The following SLC39A11 variants were observed in gnomAD, a reference collection of about 807,000 sequenced individuals.
The protein encoded by SLC39A11 is zinc transporter ZIP11.
Under a neutral mutation model 36.1 loss-of-function variants are expected in SLC39A11, and 33 were observed. The observed-to-expected ratio is 0.91, with a 90% CI of 0.69 to 1.22. SLC39A11 has a LOEUF of 1.22. Ranked by LOEUF, SLC39A11 falls within the 50% of genes most tolerant of loss-of-function variation. The pLI is 0.00. For missense variants in SLC39A11, 432 were observed against 430.3 expected, an observed-to-expected ratio of 1.00 and a Z score of -0.03; for synonymous variants, 166 against 170.3, an observed-to-expected ratio of 0.97 and a Z score of 0.20.
At chr17:72,912,712 C>T (rs9898843) in intron 5 of SLC39A11, among the ~76,000 whole-genome samples, 77,397 of 151,722 alleles carry the variant, frequency 0.51, 19,739 homozygotes, top group African/African-American at 0.53. Context: ...TCGACCAGAG[C>T]AGAGCATCTC....
chr17:72,748,536 C>G (rs11077630), intron 6 of SLC39A11, among the ~76,000 whole-genome samples: 61,970 of 152,070 alleles, frequency 0.41, 15,546 homozygotes, highest in Non-Finnish European at 0.56. Context: ...CCAGTCATGG[C>G]TGCCGACTTA....
In SLC39A11 at chr17:72,947,827, T is replaced by C. The variant is rs2085530398; in HGVS notation, c.355A>G (p.Thr119Ala). The change falls in exon 5 of 10, where the codon ACG becomes GCG. Residue 119 changes from threonine to alanine, a missense_variant. By Grantham distance (58) the Thr-to-Ala change is moderately conservative. Coordinates refer to ENST00000255559, the MANE Select transcript of SLC39A11 (RefSeq NM_139177.4). Reference protein sequence around the residue: ...QTTLALNFGSTLMKKKSDPEG... With the variant: ...QTTLALNFGSALMKKKSDPEG... ...GGATCAGACTTCTTCTTCATCAACGTAGAGCCGAAGTTCAGTGCCAGGGTC... is the reference window on the plus strand; with the variant it reads ...GGATCAGACTTCTTCTTCATCAACGCAGAGCCGAAGTTCAGTGCCAGGGTC... 1 of 1,614,140 alleles carries C rather than the reference T, an allele frequency of 6.2e-7. No individual in the cohort carries two copies. Among genetic ancestry groups the C allele is most frequent in the Non-Finnish European group, 8.5e-7 (1 of 1,180,016 alleles).
At chr17:72,784,557 T>C (rs1335615577) in intron 6 of SLC39A11, among the ~76,000 whole-genome samples, 1 of 152,120 alleles carries the variant, frequency 6.6e-6, no homozygotes, top group African/African-American at 2.4e-5. Context: ...TGTTGAATTG[T>C]AATGACCGAT....
At chr17:72,852,432 G>C (rs1015879665) in intron 5 of SLC39A11, among the ~76,000 whole-genome samples, 10 of 152,032 alleles carry the variant, frequency 6.6e-5, no homozygotes, top group Admixed American at 2.6e-4. Context: ...GTCCTCCACT[G>C]GTCAGTAGCC....
intron 5 of SLC39A11, among the ~76,000 whole-genome samples, chr17:72,856,358 G>A (rs1396192803): frequency 6.6e-6 from 1 of 152,172 alleles, no homozygotes; most frequent in African/African-American, 2.4e-5. Context: ...TCTTTTGAAA[G>A]ATGCCTGCTG....
intron 6 of SLC39A11, among the ~76,000 whole-genome samples, chr17:72,808,627 G>T (rs2077335616): frequency 6.6e-6 from 1 of 152,062 alleles, no homozygotes; most frequent in Non-Finnish European, 1.5e-5. Context: ...GTGGCCAGAG[G>T]TCACAAGATT....
intron 3 of SLC39A11, among the ~76,000 whole-genome samples, chr17:73,050,323 CAAAA>C (rs70938142): frequency 4.0e-5 from 4 of 98,820 alleles, no homozygotes; most frequent in Non-Finnish European, 3.8e-5. Flanking sequence ...CTGTTTGTGG[CAAAA>C]AAAAAAAAAA....
chr17:73,049,432 G>A (rs1033680846), intron 3 of SLC39A11, among the ~76,000 whole-genome samples: 2 of 152,216 alleles, frequency 1.3e-5, no homozygotes, highest in African/African-American at 2.4e-5. Context: ...GGCAGGTTTA[G>A]GGAACAGAAG....
At chr17:72,683,170 T>C (rs963731506) in intron 7 of SLC39A11, among the ~76,000 whole-genome samples, 33 of 152,196 alleles carry the variant, frequency 2.2e-4, no homozygotes, top group African/African-American at 7.7e-4. Flanking sequence ...AAAGGCCCAC[T>C]CAGACTTTCC....
At chr17:72,953,980 A>G (rs561787173) in intron 4 of SLC39A11, among the ~76,000 whole-genome samples, 15 of 152,222 alleles carry the variant, frequency 9.9e-5, no homozygotes, top group African/African-American at 3.4e-4. Flanking sequence ...GTTTCATTCA[A>G]CTAAGGCTGT....
intron 5 of SLC39A11, among the ~76,000 whole-genome samples, chr17:72,939,770 C>T (rs2084982106): frequency 2.0e-5 from 3 of 152,166 alleles, no homozygotes; most frequent in African/African-American, 7.2e-5. Flanking sequence ...GACTTCCGGC[C>T]TCCAAAACTG....
At chr17:72,659,020 C>G (rs144521946) in intron 7 of SLC39A11, among the ~76,000 whole-genome samples, 5 of 152,292 alleles carry the variant, frequency 3.3e-5, no homozygotes, top group African/African-American at 1.2e-4. Context: ...GTGCCTTAGC[C>G]TTCTCAATTA....
intron 7 of SLC39A11, among the ~76,000 whole-genome samples, chr17:72,673,134 G>C (rs1481272684): frequency 6.6e-6 from 1 of 151,944 alleles, no homozygotes; most frequent in Non-Finnish European, 1.5e-5. Flanking sequence ...ACAGAGTCTT[G>C]TCTTACTCTG....
At chr17:72,837,360 CAAAAAAAAAA>C (rs34639176) in intron 6 of SLC39A11, among the ~76,000 whole-genome samples, 6 of 91,134 alleles carry the variant, frequency 6.6e-5, no homozygotes, top group African/African-American at 2.0e-4. Flanking sequence ...GTATATTGCT[CAAAAAAAAAA>C]AAAAAAAAAA....
Position 72,670,210 on chromosome 17 carries a change from C to T in SLC39A11, c.672-20942G>A, listed in dbSNP as rs996125561. On this transcript the variant is annotated intron_variant, in intron 7 of 9. Coordinates refer to ENST00000255559, the MANE Select transcript of SLC39A11 (RefSeq NM_139177.4). ...ACACACACACACACACACACACACA[C>T]ACATATATATATATGCCAGGCATGG... Among the ~76,000 whole-genome samples, 532 of 68,794 alleles carry T rather than the reference C, an allele frequency of 7.7e-3. 6 individuals are homozygous for T. Among genetic ancestry groups the T allele is most frequent in the African/African-American group, 0.017 (279 of 16,474 alleles). 45.1% of individuals were successfully genotyped at this position (68,794 alleles called of 152,430 possible).
chr17:73,010,838 G>C (rs1222492327), intron 4 of SLC39A11, among the ~76,000 whole-genome samples: 3 of 152,214 alleles, frequency 2.0e-5, no homozygotes, highest in Non-Finnish European at 4.4e-5. Context: ...CAACGGGCAT[G>C]GATCTGCTCC....
intron 1 of SLC39A11, among the ~76,000 whole-genome samples, chr17:73,089,556 T>C (rs73353127): frequency 0.017 from 2,581 of 152,294 alleles, 67 homozygotes; most frequent in African/African-American, 0.059. Context: ...TGTCCTAGCA[T>C]GCAGCTTTGG....
chr17:72,720,631 A>C (rs1040477728), intron 7 of SLC39A11, among the ~76,000 whole-genome samples: 1 of 152,152 alleles, frequency 6.6e-6, no homozygotes, highest in Admixed American at 6.5e-5. Flanking sequence ...TAGCTTCACC[A>C]TGGACAGTGC....
At chr17:73,091,710 T>A (rs1343006062) in intron 1 of SLC39A11, 2 of 152,210 alleles carry the variant, frequency 1.3e-5, no homozygotes, top group Admixed American at 1.3e-4. Flanking sequence ...GGGCTCAGAA[T>A]TCCTCACGAT....
Sources: allele counts gnomAD v4.1 joint callset (sites outside exome capture counted in the v4.1 genomes callset), GRCh38; gene constraint gnomAD v4.1.1; transcripts MANE v1.5; gene names NCBI Gene and HGNC (gene_info 2026-07-23, HGNC 2026-07-21).